The following VPS37D variants were observed in gnomAD, a reference collection of about 807,000 sequenced individuals.
VPS37D encodes VPS37D subunit of ESCRT-I, also known as vacuolar protein sorting-associated protein 37D.
In VPS37D, 5 loss-of-function variants were observed where a neutral mutation model predicts 22.0. The observed-to-expected ratio is 0.23, with a 90% confidence interval of 0.12 to 0.48. The LOEUF (loss-of-function observed/expected upper bound fraction) is 0.48, where lower values mean the gene tolerates loss of function less well. Among genes scored for constraint, VPS37D ranks in the 20% least tolerant of loss-of-function variants. VPS37D has a pLI of 0.99. For synonymous variants in VPS37D, 174 were observed against 159.3 expected, an observed-to-expected ratio of 1.09 and a Z score of -0.69; for missense variants, 384 against 345.8, an observed-to-expected ratio of 1.11 and a Z score of -0.88.
upstream of VPS37D, among the ~76,000 whole-genome samples, chr7:73,667,300 A>G (rs1427979252): frequency 1.3e-5 from 2 of 150,092 alleles, no homozygotes; most frequent in East Asian, 3.9e-4. Context: ...ACAATTTTTA[A>G]ATTTTTTTAA....
upstream of VPS37D, among the ~76,000 whole-genome samples, chr7:73,667,629 C>G (rs1248545147): frequency 7.9e-5 from 12 of 152,022 alleles, no homozygotes; most frequent in African/African-American, 2.9e-4. Flanking sequence ...GCGTGGTGAG[C>G]CAGGGCCGGT....
In VPS37D at chr7:73,671,109, G is replaced by A. The variant is rs782138856; in HGVS notation, c.489G>A (p.Thr163=). The change falls in exon 4 of 4, where the codon ACG becomes ACA. Residue 163 remains threonine, a synonymous_variant. Coordinates refer to ENST00000324941, the MANE Select transcript of VPS37D (RefSeq NM_001077621.2). ...GCGCCCTGGCCCACCTGAGGCGGAC[G>A]CAGGCAGAGAAGCTGCAGGAGCTGC... is the stretch of plus-strand genomic sequence containing the variant. The part of the protein sequence containing the change: ...RGRALAHLRR[T]QAEKLQELLR... 18 of 1,609,392 alleles carry A rather than the reference G, an allele frequency of 1.1e-5. No individual in the cohort carries two copies. Among genetic ancestry groups the A allele is most frequent in the East Asian group, 4.5e-5 (2 of 44,842 alleles).
At chr7:73,668,974 G>A (rs900109502) in intron 1 of VPS37D, among the ~76,000 whole-genome samples, 3 of 151,884 alleles carry the variant, frequency 2.0e-5, no homozygotes, top group South Asian at 2.1e-4. Context: ...GAGTGTTTTC[G>A]GTGCAAACAC....
chr7:73,666,591 G>A (rs1797378863), upstream of VPS37D, among the ~76,000 whole-genome samples: 1 of 151,948 alleles, frequency 6.6e-6, no homozygotes, highest in South Asian at 2.1e-4. Context: ...ACCACGCCCG[G>A]CTAATTTTTG....
upstream of VPS37D, among the ~76,000 whole-genome samples, chr7:73,666,656 C>A (rs962317219): frequency 1.3e-5 from 2 of 152,060 alleles, no homozygotes; most frequent in Non-Finnish European, 2.9e-5. Context: ...ACCTTGGACT[C>A]CCAAAGTGCT....
chr7:73,671,361 GCC>G lies in VPS37D; in HGVS notation c.747_748del (p.His250ProfsTer14). On this transcript the variant is annotated frameshift_variant, in exon 4 of 4. Coordinates refer to ENST00000324941, the MANE Select transcript of VPS37D (RefSeq NM_001077621.2). LOFTEE classifies it high-confidence loss of function. ...LLSPRPSQPEPPHR is the reference protein window; with the variant it reads ...LLSPRPSQPEXPHR ...TGAGCCCTCGGCCCTCGCAGCCAGAGCCCCCCCACCGGTAGGATCCACGGTGC... is the reference window on the plus strand; with the variant it reads ...TGAGCCCTCGGCCCTCGCAGCCAGAGCCCCCACCGGTAGGATCCACGGTGC... 7.3e-7 allele frequency: 1 copy of G among 1,375,422 alleles called. No homozygotes were observed. Among genetic ancestry groups the G allele is most frequent in the Non-Finnish European group, 9.4e-7 (1 of 1,067,048 alleles). The allele number at this position is 1,375,422 out of a possible 1,614,324, so 85.2% of individuals were successfully genotyped here. A position where few individuals can be genotyped will look rare whatever the true frequency, so the allele number is the denominator to read the frequency against.
chr7:73,670,438 T>A (rs1797482434), intron 3 of VPS37D, among the ~76,000 whole-genome samples: 1 of 152,172 alleles, frequency 6.6e-6, no homozygotes, highest in South Asian at 2.1e-4. Context: ...ACATGTTAAG[T>A]CTATACTTCA....
rs1441019559 is a variant in VPS37D at position 73,672,055 on chromosome 7, T to G, written c.*679T>G. On this transcript the variant is annotated 3_prime_UTR_variant, in exon 4 of 4. Transcript: ENST00000324941. ...GAGGGCAGGTCCTTGTCTTTGTACG[T>G]TCTGTCCCCAGCCCCGCCTCTTAGG... The G allele has an allele frequency of 6.6e-6, 1 of 152,380 alleles. No individual in the cohort carries two copies. 9.4% of individuals were successfully genotyped at this position (152,380 alleles called of 1,614,324 possible).
Position 73,667,986 on chromosome 7 carries a change from G to C in VPS37D, c.28G>C (p.Gly10Arg). Residue 10 changes from glycine to arginine, a missense_variant, in exon 1 of 4, where the codon GGG becomes CGG. Coordinates refer to ENST00000324941, the MANE Select transcript of VPS37D (RefSeq NM_001077621.2). ...GTACCGGGCCCGGGCGGCGCGGGCG[G>C]GGCCGGAGCCCGGCAGCCCGGGGCG... MYRARAARA[G>R]PEPGSPGRFG... 9.1e-7 allele frequency: 1 copy of C among 1,094,006 alleles called. No individual in the cohort carries two copies. The highest frequency in any genetic ancestry group is 1.1e-6 in the Non-Finnish European group (1 of 897,962). The allele number at this position is 1,094,006 out of a possible 1,614,324, so 67.8% of individuals were successfully genotyped here. A position where few individuals can be genotyped will look rare whatever the true frequency, so the allele number is the denominator to read the frequency against.
chr7:73,668,224 A>C, intron 1 of VPS37D, 128 bp downstream of exon 1: 1 of 458,960 alleles, frequency 2.2e-6, no homozygotes, highest in Non-Finnish European at 2.9e-6. Flanking sequence ...GGCACGTACG[A>C]GTGGGCCCCG....
chr7:73,668,108 G>C lies in VPS37D; in HGVS notation c.138+12G>C. 1 of 1,092,412 alleles carries C rather than the reference G, an allele frequency of 9.2e-7. No individual in the cohort carries two copies. 67.7% of individuals were successfully genotyped at this position (1,092,412 alleles called of 1,614,324 possible). A position where few individuals can be genotyped will look rare whatever the true frequency, so the allele number is the denominator to read the frequency against. On this transcript the variant is annotated intron_variant, in intron 1 of 3. Transcript: ENST00000324941. ...GGCTCAGCAGGAAGGTAGCGCGGGG[G>C]GCTCGAGCGGGGGGCGCGGGGGACG...
chr7:73,671,202 G>T lies in VPS37D; in HGVS notation c.582G>T (p.Pro194=). The part of the protein sequence containing the change: ...TSAADPPKSF[P]AAAVLPTGAA... ...CTGCTGATCCCCCCAAATCCTTCCC[G>T]GCTGCAGCTGTCCTGCCCACTGGGG... is the stretch of plus-strand genomic sequence containing the variant. The change falls in exon 4 of 4, where the codon CCG becomes CCT. Residue 194 remains proline, a synonymous_variant. Transcript: ENST00000324941. 1 of 1,591,184 alleles carries T rather than the reference G, an allele frequency of 6.3e-7. No homozygotes were observed.
At chr7:73,666,719 C>T (rs1430606531), upstream of VPS37D, among the ~76,000 whole-genome samples, 2 of 151,880 alleles carry the variant, frequency 1.3e-5, no homozygotes, top group African/African-American at 4.8e-5. Flanking sequence ...TTCTGCATGT[C>T]TAAAATAACA....
At chr7:73,666,737 A>G (rs1797380860), upstream of VPS37D, among the ~76,000 whole-genome samples, 1 of 152,002 alleles carries the variant, frequency 6.6e-6, no homozygotes. Context: ...ACAAGTGGGT[A>G]TTGACCTACT....
Position 73,668,061 on chromosome 7 carries a change from C to T in VPS37D, c.103C>T (p.Pro35Ser). 8.6e-7 allele frequency: 1 copy of T among 1,160,192 alleles called. No individual in the cohort carries two copies. 71.9% of individuals were successfully genotyped at this position (1,160,192 alleles called of 1,614,324 possible). A position where few individuals can be genotyped will look rare whatever the true frequency, so the allele number is the denominator to read the frequency against. The change falls in exon 1 of 4, where the codon CCC becomes TCC. Residue 35 changes from proline (P) to serine (S), a missense_variant. Pro to Ser is a moderately conservative substitution (Grantham distance 74). Coordinates refer to ENST00000324941, the MANE Select transcript of VPS37D (RefSeq NM_001077621.2). Reference protein sequence around the residue: ...GQLRDLLQDEPKLDRIVRLSR... With the variant: ...GQLRDLLQDESKLDRIVRLSR... ...GCTCCGGGACCTGCTTCAGGATGAG[C>T]CCAAGCTGGACCGGATCGTGCGGCT...
rs1287566060 is a variant in VPS37D, at chr7:73,667,917, C to T, written c.-42C>T. Reference sequence around the variant, plus strand: ...CGGAGCCGGGGCGGAGCGGGCCGAGCGGGCCGAGCCAGCAGCCGAGCTGGG... The same window carrying T: ...CGGAGCCGGGGCGGAGCGGGCCGAGTGGGCCGAGCCAGCAGCCGAGCTGGG... On this transcript the variant is annotated 5_prime_UTR_variant, in exon 1 of 4. Coordinates refer to ENST00000324941, the MANE Select transcript of VPS37D (RefSeq NM_001077621.2). 2.9e-5 allele frequency: 23 copies of T among 800,120 alleles called. No individual in the cohort carries two copies. The East Asian group carries it at 2.2e-3, about 75-fold the overall frequency. 49.6% of individuals were successfully genotyped at this position (800,120 alleles called of 1,614,324 possible). A position where few individuals can be genotyped will look rare whatever the true frequency, so the allele number is the denominator to read the frequency against.
chr7:73,671,243 C>A lies in VPS37D; in HGVS notation c.623C>A (p.Pro208Gln). 6.5e-7 allele frequency: 1 copy of A among 1,538,396 alleles called. No individual in the cohort carries two copies. The highest frequency in any genetic ancestry group is 1.2e-5 in the South Asian group (1 of 82,284). Residue 208 changes from proline (P) to glutamine (Q), a missense_variant, in exon 4 of 4, where the codon CCA (proline) becomes CAA (glutamine). By Grantham distance (76) the Pro-to-Gln change is moderately conservative. Transcript: ENST00000324941. ...VLPTGAARGP[P>Q]AVPRSLPPLD... ...CCCACTGGGGCCGCCCGGGGGCCAC[C>A]AGCAGTGCCCCGGAGCCTGCCCCCC...
In VPS37D at chr7:73,670,908, T is replaced by A. The variant is rs1797492858; in HGVS notation, c.394-106T>A. On this transcript the variant is annotated intron_variant, in intron 3 of 3. Transcript: ENST00000324941. Reference sequence around the variant, plus strand: ...GAACGCAGGTCCCCTGTCCCCCAGCTGAGGGGTGATCACCATGGGGAGGGC... The same window carrying A: ...GAACGCAGGTCCCCTGTCCCCCAGCAGAGGGGTGATCACCATGGGGAGGGC... The A allele has an allele frequency of 5.4e-6, 8 of 1,474,322 alleles. No homozygotes were observed. The East Asian group carries it at 1.9e-4, about 35-fold the overall frequency. The allele number at this position is 1,474,322 out of a possible 1,614,324, so 91.3% of individuals were successfully genotyped here.
chr7:73,665,569 T>C (rs1797357309), upstream of VPS37D, among the ~76,000 whole-genome samples: 1 of 152,122 alleles, frequency 6.6e-6, no homozygotes, highest in Non-Finnish European at 1.5e-5. Flanking sequence ...AGTAGAAGTG[T>C]TACTTTTATG....
Sources: allele counts gnomAD v4.1 joint callset (sites outside exome capture counted in the v4.1 genomes callset), GRCh38; gene constraint gnomAD v4.1.1; transcripts MANE v1.5; gene names NCBI Gene and HGNC (gene_info 2026-07-23, HGNC 2026-07-21).